Variants in FRAS1 observed in about 807,000 individuals in gnomAD.
The protein encoded by FRAS1 is Fraser extracellular matrix complex subunit 1.
FRAS1 carries 290 observed loss-of-function variants against 435.2 expected under a neutral mutation model. The ratio of observed to expected loss-of-function variants is 0.67; its 90% confidence interval spans 0.61 to 0.73. The LOEUF (loss-of-function observed/expected upper bound fraction) is 0.73. Among genes scored for constraint, FRAS1 ranks in the 30% least tolerant of loss-of-function variants. The pLI is 0.00. For synonymous variants in FRAS1, 1,800 were observed against 1,851.0 expected (o/e 0.97, Z 0.71); for missense variants, 4,860 against 5,001.5 (o/e 0.97, Z 0.85).
chr4:78,130,514 T>C (rs997434780), intron 2 of FRAS1, among the ~76,000 whole-genome samples: 1 of 152,094 alleles, frequency 6.6e-6, no homozygotes, highest in Non-Finnish European at 1.5e-5. Context: ...CAGAATCAAC[T>C]TTTTCCCCCC....
chr4:78,489,027 G>T lies in FRAS1; in HGVS notation c.8905G>T (p.Glu2969Ter), dbSNP rs1720260450. ...TTCCGCTCAGGTCATGGAGGACTTT[G>T]AGGAGAGACAAAATGCAGACTCTTC... ...SHSAQVMEDFEERQNADSSRI... is the reference protein window; with the variant it reads ...SHSAQVMEDF The change falls in exon 59 of 74, where the codon GAG becomes TAG. Residue 2969 changes from glutamate (E) to a stop codon, truncating the protein, a stop_gained. Transcript: ENST00000512123. LOFTEE classifies it high-confidence loss of function. The T allele has an allele frequency of 6.2e-7, 1 of 1,613,576 alleles. No homozygotes were observed. The highest frequency in any genetic ancestry group is 1.3e-5 in the African/African-American group (1 of 74,918).
intron 40 of FRAS1, 83 bp downstream of exon 40, chr4:78,439,147 A>C: frequency 8.3e-7 from 1 of 1,209,070 alleles, no homozygotes; most frequent in Non-Finnish European, 1.2e-6. Context: ...TTTCTGCCTA[A>C]ATTGGCTGCC....
At chr4:78,275,413 T>C (rs1040934067) in intron 9 of FRAS1, among the ~76,000 whole-genome samples, 2 of 152,244 alleles carry the variant, frequency 1.3e-5, no homozygotes, top group African/African-American at 4.8e-5. Context: ...CTAGCCTTGA[T>C]GATTTTTACA....
chr4:78,424,463 T>C, intron 35 of FRAS1, 43 bp downstream of exon 35: 1 of 1,070,728 alleles, frequency 9.3e-7, no homozygotes, highest in Non-Finnish European at 1.3e-6. Flanking sequence ...AAATTTTTTC[T>C]TTCCTTATTA....
intron 2 of FRAS1, among the ~76,000 whole-genome samples, chr4:78,140,074 C>G (rs1720094170): frequency 6.6e-6 from 1 of 152,070 alleles, no homozygotes; most frequent in Non-Finnish European, 1.5e-5. Context: ...AATGAACCCC[C>G]ATGAATTATC....
At chr4:78,096,488 A>G (rs1741815168) in intron 2 of FRAS1, among the ~76,000 whole-genome samples, 1 of 152,166 alleles carries the variant, frequency 6.6e-6, no homozygotes, top group Non-Finnish European at 1.5e-5. Flanking sequence ...GAGGTTCTCC[A>G]TGAGAGCCCT....
At chr4:78,452,570 G>A (rs1719057985) in intron 47 of FRAS1, among the ~76,000 whole-genome samples, 1 of 152,180 alleles carries the variant, frequency 6.6e-6, no homozygotes, top group African/African-American at 2.4e-5. Context: ...AAAGTTACAT[G>A]TAAAATTTTC....
intron 32 of FRAS1, 21 bp from the exon 33 acceptor site, chr4:78,418,928 T>C: frequency 4.2e-6 from 6 of 1,437,340 alleles, no homozygotes; most frequent in Non-Finnish European, 5.8e-6. Flanking sequence ...GTGTTCCTCT[T>C]CCTTCTTAAA....
intron 20 of FRAS1, among the ~76,000 whole-genome samples, chr4:78,359,741 C>G (rs139077206): frequency 1.3e-5 from 2 of 152,102 alleles, no homozygotes; most frequent in African/African-American, 2.4e-5. Context: ...TTTGTAATCT[C>G]CTGTGTGAGG....
chr4:78,268,890 T>C (rs1384645604), intron 9 of FRAS1, among the ~76,000 whole-genome samples: 1 of 152,234 alleles, frequency 6.6e-6, no homozygotes, highest in East Asian at 1.9e-4. Flanking sequence ...CATTCCTTTC[T>C]AGTTACTTCC....
In FRAS1 at chr4:78,438,925, A is replaced by G; in HGVS notation, c.5390A>G (p.Asp1797Gly). Residue 1797 changes from aspartate to glycine, a missense_variant, in exon 40 of 74, where the codon GAT (aspartate) becomes GGT (glycine). Coordinates refer to ENST00000512123, the MANE Select transcript of FRAS1 (RefSeq NM_025074.7). ...AGATACTCAGCTGTGTTTGAAACTGATGGTCATCTGGTTACTGATAGCTTC... is the reference window on the plus strand; with the variant it reads ...AGATACTCAGCTGTGTTTGAAACTGGTGGTCATCTGGTTACTGATAGCTTC... ...KIRYSAVFET[D>G]GHLVTDSFYF... 6.2e-7 allele frequency: 1 copy of G among 1,608,984 alleles called. No homozygotes were observed. Among genetic ancestry groups the G allele is most frequent in the South Asian group, 1.1e-5 (1 of 89,476 alleles).
At chr4:78,366,576 C>T (rs765661424) in intron 22 of FRAS1, among the ~76,000 whole-genome samples, 6 of 152,172 alleles carry the variant, frequency 3.9e-5, no homozygotes, top group Non-Finnish European at 5.9e-5. Flanking sequence ...AGACCTACAG[C>T]AGAAAACAAG....
At chr4:78,212,715 A>G (rs562203656) in intron 2 of FRAS1, among the ~76,000 whole-genome samples, 2 of 152,240 alleles carry the variant, frequency 1.3e-5, no homozygotes, top group Non-Finnish European at 2.9e-5. Flanking sequence ...CCTAATGAGT[A>G]CTTGAATTCA....
intron 2 of FRAS1, among the ~76,000 whole-genome samples, chr4:78,207,502 A>G (rs1333276391): frequency 6.6e-6 from 1 of 152,208 alleles, no homozygotes; most frequent in African/African-American, 2.4e-5. Flanking sequence ...GTGTAGAAAT[A>G]CTGATCTAAA....
intron 1 of FRAS1, among the ~76,000 whole-genome samples, chr4:78,065,742 T>G (rs1415527937): frequency 1.3e-5 from 2 of 152,198 alleles, no homozygotes; most frequent in African/African-American, 4.8e-5. Flanking sequence ...TAAACACATT[T>G]ATCTTAAAAT....
At chr4:78,200,049 G>C (rs1296918347) in intron 2 of FRAS1, among the ~76,000 whole-genome samples, 1 of 152,166 alleles carries the variant, frequency 6.6e-6, no homozygotes, top group Non-Finnish European at 1.5e-5. Context: ...TACAGAAGTA[G>C]GTATAGGTAA....
rs776570778 is a variant in FRAS1 at position 78,317,428 on chromosome 4, GC to G, written c.1887del (p.Lys630ArgfsTer67). On this transcript the variant is annotated frameshift_variant, in exon 17 of 74. Transcript: ENST00000512123. LOFTEE classifies it high-confidence loss of function. ...ACACCCTCTCACTGTACAGCCTGCA[GC>G]CCCCCCAAGGCTCTGCGTCAAGGCC... ...GPTPSHCTACSPPKALRQGHC... is the reference protein window; with the variant it reads ...GPTPSHCTACXPPKALRQGHC... 3.1e-6 allele frequency: 5 copies of G among 1,613,668 alleles called. No individual in the cohort carries two copies. The highest frequency in any genetic ancestry group is 1.3e-5 in the African/African-American group (1 of 74,886).
chr4:78,310,458 T>C (rs1728970950), intron 15 of FRAS1, among the ~76,000 whole-genome samples: 1 of 152,200 alleles, frequency 6.6e-6, no homozygotes, highest in Non-Finnish European at 1.5e-5. Context: ...ATCTGCTTTA[T>C]CTGTACACAT....
At chr4:78,178,878 C>T (rs28444472) in intron 2 of FRAS1, among the ~76,000 whole-genome samples, 2,035 of 152,222 alleles carry the variant, frequency 0.013, 44 homozygotes, top group African/African-American at 0.047. Context: ...ATGTGGAGTA[C>T]CTACATAGGG....
Sources: gnomAD v4.1 joint callset for allele counts (sites outside exome capture counted in the v4.1 genomes callset) on GRCh38, gnomAD v4.1.1 for gene constraint, MANE v1.5 for transcripts, NCBI Gene and HGNC (gene_info 2026-07-23, HGNC 2026-07-21) for gene names.